The following POLA2 variants were observed in gnomAD, a reference collection of about 807,000 sequenced individuals.
The protein encoded by POLA2 is DNA polymerase alpha 2, accessory subunit.
POLA2 carries 47 observed loss-of-function variants against 82.8 expected under a neutral mutation model. The ratio of observed to expected loss-of-function variants is 0.57; its 90% CI spans 0.45 to 0.72. The LOEUF (loss-of-function observed/expected upper bound fraction) is 0.72, where lower values mean the gene tolerates loss of function less well. POLA2 is among the 30% of genes least tolerant of loss of function. The pLI is 0.00. For synonymous variants in POLA2, 287 were observed against 286.8 expected (o/e 1.00, Z -0.01); for missense variants, 634 against 728.1 (o/e 0.87, Z 1.49).
At chr11:65,304,435 C>G (rs1433084412) in intron 8 of POLA2, among the ~76,000 whole-genome samples, 1 of 139,032 alleles carries the variant, frequency 7.2e-6, no homozygotes, top group Non-Finnish European at 1.5e-5. Flanking sequence ...ATCCACCCAA[C>G]CATCCACCCA....
At chr11:65,281,938 C>T (rs1235961410) in intron 9 of POLA2, among the ~76,000 whole-genome samples, 1 of 152,192 alleles carries the variant, frequency 6.6e-6, no homozygotes, top group Non-Finnish European at 1.5e-5. Context: ...GACTTTGTAG[C>T]TATATGGTCT....
intron 1 of POLA2, 110 bp downstream of exon 1, chr11:65,262,481 C>T: frequency 1.2e-6 from 1 of 841,500 alleles, no homozygotes; most frequent in South Asian, 1.7e-5. Flanking sequence ...TCCCCTGGAG[C>T]AGAGTTCTCG....
intron 4 of POLA2, among the ~76,000 whole-genome samples, chr11:65,269,501 A>AAAC (rs571846285): frequency 8.8e-4 from 130 of 147,624 alleles, no homozygotes; most frequent in South Asian, 1.3e-3. Context: ...AAAAAAAAAA[A>AAAC]AACAACAACA....
chr11:65,283,468 A>G (rs1949662037), intron 10 of POLA2, among the ~76,000 whole-genome samples: 1 of 152,000 alleles, frequency 6.6e-6, no homozygotes. Flanking sequence ...AAACTTAAAA[A>G]TAACTTCCTT....
At chr11:65,295,361 G>T (rs766356759) in intron 15 of POLA2, among the ~76,000 whole-genome samples, 179 bp from the exon 16 acceptor site, 5 of 152,174 alleles carry the variant, frequency 3.3e-5, no homozygotes, top group Non-Finnish European at 7.4e-5. Context: ...CCCTCCTCAT[G>T]TGGGGACAGA....
intron 10 of POLA2, among the ~76,000 whole-genome samples, chr11:65,286,395 C>T (rs528318761): frequency 7.9e-5 from 12 of 151,716 alleles, no homozygotes; most frequent in East Asian, 1.9e-4. Flanking sequence ...ATAATAAATT[C>T]GTGGGCTTTT....
chr11:65,266,615 A>T lies in POLA2; in HGVS notation c.113A>T (p.Glu38Val), dbSNP rs755533400. 1 of 1,614,060 alleles carries T rather than the reference A, an allele frequency of 6.2e-7. No individual in the cohort carries two copies. Among genetic ancestry groups the T allele is most frequent in the Non-Finnish European group, 8.5e-7 (1 of 1,179,878 alleles). The change falls in exon 2 of 18, where the codon GAG (glutamate) becomes GTG (valine). Residue 38 changes from glutamate (E) to valine (V), a missense_variant. Transcript: ENST00000265465. ...CTTTGTGTTCAGTATGGACAGAATGAGGAGGGAATGGTAGGCGAGCTTATA... is the reference window on the plus strand; with the variant it reads ...CTTTGTGTTCAGTATGGACAGAATGTGGAGGGAATGGTAGGCGAGCTTATA... ...VELCVQYGQN[E>V]EGMVGELIAF...
intron 4 of POLA2, among the ~76,000 whole-genome samples, chr11:65,275,013 A>G (rs1322061807): frequency 1.3e-5 from 2 of 152,130 alleles, no homozygotes; most frequent in African/African-American, 4.8e-5. Flanking sequence ...TTAAAATACC[A>G]TTAAGGAATA....
intron 4 of POLA2, among the ~76,000 whole-genome samples, chr11:65,270,367 A>T (rs1949509641): frequency 6.6e-6 from 1 of 152,200 alleles, no homozygotes; most frequent in Non-Finnish European, 1.5e-5. Context: ...GGAAGAAAGA[A>T]GGTAAATAGT....
At chr11:65,269,486 CAAA>C (rs1294987727) in intron 4 of POLA2, among the ~76,000 whole-genome samples, 9 of 100,010 alleles carry the variant, frequency 9.0e-5, no homozygotes, top group South Asian at 5.9e-4. Context: ...GACTCCGTCT[CAAA>C]AAAAAAAAAA....
chr11:65,295,641 T>G (rs1949802242), intron 16 of POLA2, 42 bp downstream of exon 16: 1 of 1,545,962 alleles, frequency 6.5e-7, no homozygotes, highest in African/African-American at 1.4e-5. Flanking sequence ...AGAGAGTGCC[T>G]TGGGGTCATG....
At chr11:65,300,455 G>A (rs1949853669), downstream of POLA2, among the ~76,000 whole-genome samples, 3 of 149,710 alleles carry the variant, frequency 2.0e-5, no homozygotes, top group Non-Finnish European at 4.4e-5. Context: ...GAGTAGCTGA[G>A]ATTACAGGTG....
At chr11:65,264,228 C>T (rs539123054) in intron 1 of POLA2, among the ~76,000 whole-genome samples, 13 of 152,210 alleles carry the variant, frequency 8.5e-5, no homozygotes, top group Non-Finnish European at 1.3e-4. Context: ...CCACCACGCC[C>T]GGCTAATTTT....
chr11:65,279,665 C>T lies in POLA2; in HGVS notation c.744+39C>T, dbSNP rs150540859. The T allele has an allele frequency of 4.4e-4, 610 of 1,400,648 alleles. 1 individual carries two copies. The African/African-American group carries it at 6.5e-3, about 15-fold the overall frequency. 86.8% of individuals were successfully genotyped at this position (1,400,648 alleles called of 1,614,324 possible). On this transcript the variant is annotated intron_variant, in intron 7 of 17. Coordinates refer to ENST00000265465, the MANE Select transcript of POLA2 (RefSeq NM_002689.4). The stretch of plus-strand genomic sequence containing the variant: ...TAATAGTTCTCACTAATTAATATTA[C>T]GTTTTTAAATCGATGACCAAGAGGC...
chr11:65,282,245 G>A (rs1422587421), intron 9 of POLA2, among the ~76,000 whole-genome samples: 2 of 152,156 alleles, frequency 1.3e-5, no homozygotes, highest in African/African-American at 4.8e-5. Context: ...TATGACAATT[G>A]AGTAGTGACC....
At chr11:65,296,132 T>G in intron 17 of POLA2, 142 bp downstream of exon 17, 1 of 872,172 alleles carries the variant, frequency 1.1e-6, no homozygotes. Context: ...CTTGTTTCTT[T>G]GGGGAGGTGG....
At chr11:65,264,046 C>T (rs528782576) in intron 1 of POLA2, among the ~76,000 whole-genome samples, 1 of 152,102 alleles carries the variant, frequency 6.6e-6, no homozygotes, top group South Asian at 2.1e-4. Flanking sequence ...TGACAGTCAA[C>T]CGTATTTCCC....
intron 5 of POLA2, among the ~76,000 whole-genome samples, 174 bp from the exon 6 acceptor site, chr11:65,278,556 C>T (rs1949604774): frequency 1.3e-5 from 2 of 152,188 alleles, no homozygotes; most frequent in South Asian, 4.1e-4. Flanking sequence ...GCCCTTCATT[C>T]CTGAAATTCC....
At chr11:65,294,404 C>A in intron 14 of POLA2, 142 bp from the exon 15 acceptor site, 1 of 966,012 alleles carries the variant, frequency 1.0e-6, no homozygotes, top group Non-Finnish European at 1.6e-6. Context: ...TTTAAACAGG[C>A]AAATGTGTCC....
Sources: gnomAD v4.1 joint callset for allele counts (sites outside exome capture counted in the v4.1 genomes callset) on GRCh38, gnomAD v4.1.1 for gene constraint, MANE v1.5 for transcripts, NCBI Gene and HGNC (gene_info 2026-07-23, HGNC 2026-07-21) for gene names.